ADAMTSL1: variants seen among roughly 807,000 people sequenced by gnomAD.
ADAMTSL1 encodes ADAMTS-like protein 1.
In ADAMTSL1, 126 loss-of-function variants were observed where a neutral mutation model predicts 201.8. The observed-to-expected ratio is 0.62, with a 90% CI of 0.54 to 0.72. ADAMTSL1 has a LOEUF of 0.72. Ranked by LOEUF, ADAMTSL1 falls within the 30% of genes least tolerant of loss-of-function variation. The pLI is 0.00. For missense variants in ADAMTSL1, 2,679 were observed against 2,277.8 expected, an observed-to-expected ratio of 1.18 and a Z score of -3.59; for synonymous variants, 1,121 against 903.4, an observed-to-expected ratio of 1.24 and a Z score of -4.32.
intron 3 of ADAMTSL1, among the ~76,000 whole-genome samples, chr9:18,553,335 A>G (rs902947559): frequency 1.3e-5 from 2 of 151,016 alleles, no homozygotes; most frequent in South Asian, 4.2e-4. Flanking sequence ...GTTAAATAGT[A>G]TTTATCCCCA....
At chr9:18,482,742 G>T (rs1821791993) in intron 1 of ADAMTSL1, among the ~76,000 whole-genome samples, 1 of 152,158 alleles carries the variant, frequency 6.6e-6, no homozygotes, top group Non-Finnish European at 1.5e-5. Context: ...TATGAGTATT[G>T]TTAGAATATT....
chr9:18,788,869 C>CA (rs1821861864), intron 19 of ADAMTSL1, among the ~76,000 whole-genome samples: 1 of 141,546 alleles, frequency 7.1e-6, no homozygotes, highest in Non-Finnish European at 1.5e-5. Flanking sequence ...AGAATTCTGG[C>CA]TTTTTTTTTT....
rs904265012 is a variant in ADAMTSL1, at chr9:18,776,893, C to T, written c.2664C>T (p.Tyr888=). 1 of 1,611,306 alleles carries T rather than the reference C, an allele frequency of 6.2e-7. No homozygotes were observed. Among genetic ancestry groups the T allele is most frequent in the East Asian group, 2.2e-5 (1 of 44,844 alleles). The change falls in exon 19 of 29, where the codon TAC becomes TAT. Residue 888 remains tyrosine (Y), a synonymous_variant. Coordinates refer to ENST00000380548, the MANE Select transcript of ADAMTSL1 (RefSeq NM_001040272.6). ...KLHFVVGGFA[Y]LLPKTAVVLR... Reference sequence around the variant, plus strand: ...ACTTCGTGGTGGGGGGCTTCGCCTACCTGCTCCCCAAGACGGCGGTGGTGC... The same window carrying T: ...ACTTCGTGGTGGGGGGCTTCGCCTATCTGCTCCCCAAGACGGCGGTGGTGC...
intron 1 of ADAMTSL1, among the ~76,000 whole-genome samples, chr9:17,995,864 T>C (rs1819353922): frequency 6.6e-6 from 1 of 151,750 alleles, no homozygotes; most frequent in Non-Finnish European, 1.5e-5. Flanking sequence ...CTCTGCTACC[T>C]CCTGGACTTT....
At chr9:18,740,062 G>T (rs1010294886) in intron 15 of ADAMTSL1, among the ~76,000 whole-genome samples, 5 of 152,148 alleles carry the variant, frequency 3.3e-5, no homozygotes, top group African/African-American at 1.2e-4. Context: ...TTCATCTTTT[G>T]CATTCCTCTG....
At chr9:17,909,942 T>A (rs1205269628) in intron 1 of ADAMTSL1, among the ~76,000 whole-genome samples, 1 of 64,932 alleles carries the variant, frequency 1.5e-5, no homozygotes, top group African/African-American at 3.1e-5. Context: ...GTAACTAACC[T>A]GCACATTGTG....
At chr9:18,701,660 G>T (rs1831929446) in intron 13 of ADAMTSL1, among the ~76,000 whole-genome samples, 1 of 152,124 alleles carries the variant, frequency 6.6e-6, no homozygotes, top group South Asian at 2.1e-4. Context: ...TTGGCTCATG[G>T]CTTGAAATGT....
intron 1 of ADAMTSL1, among the ~76,000 whole-genome samples, chr9:17,916,513 A>G (rs1207935402): frequency 6.6e-6 from 1 of 152,076 alleles, no homozygotes; most frequent in Non-Finnish European, 1.5e-5. Flanking sequence ...TAGGGATCAA[A>G]GTTCGTTTTT....
chr9:18,392,743 GA>G (rs1265723047), intron 2 of ADAMTSL1, among the ~76,000 whole-genome samples: 1 of 152,154 alleles, frequency 6.6e-6, no homozygotes, highest in Non-Finnish European at 1.5e-5. Flanking sequence ...GTAAACTTCA[GA>G]GGATACTCTA....
chr9:18,852,138 C>G (rs546747688), intron 23 of ADAMTSL1, among the ~76,000 whole-genome samples: 1 of 152,178 alleles, frequency 6.6e-6, no homozygotes, highest in African/African-American at 2.4e-5. Flanking sequence ...TTTACATGCA[C>G]CTTAGAGCTT....
chr9:18,533,387 A>G, intron 3 of ADAMTSL1, 95 bp downstream of exon 3: 4 of 995,362 alleles, frequency 4.0e-6, no homozygotes, highest in Non-Finnish European at 6.0e-6. Flanking sequence ...TCAACCAACT[A>G]GTATTTCACT....
chr9:18,746,702 A>C (rs1471167725), intron 15 of ADAMTSL1, among the ~76,000 whole-genome samples: 2 of 151,756 alleles, frequency 1.3e-5, no homozygotes, highest in Non-Finnish European at 2.9e-5. Context: ...GGCAACAGTC[A>C]TCACCCTCTC....
At chr9:18,906,498 C>T (rs1412154044) in intron 27 of ADAMTSL1, among the ~76,000 whole-genome samples, 194 bp from the exon 28 acceptor site, 1 of 152,156 alleles carries the variant, frequency 6.6e-6, no homozygotes, top group Admixed American at 6.5e-5. Context: ...GATGGAGGCC[C>T]AGTAAGAGGA....
intron 23 of ADAMTSL1, among the ~76,000 whole-genome samples, chr9:18,877,719 G>A (rs545879436): frequency 2.6e-5 from 4 of 152,134 alleles, no homozygotes; most frequent in Non-Finnish European, 4.4e-5. Context: ...CTCCAGCCAG[G>A]AGGTGGCACT....
chr9:18,731,077 TATG>T (rs1168597818), intron 15 of ADAMTSL1, among the ~76,000 whole-genome samples: 1 of 152,248 alleles, frequency 6.6e-6, no homozygotes, highest in Non-Finnish European at 1.5e-5. Context: ...TTTTACCAGA[TATG>T]ATTTTTCCCA....
chr9:18,739,570 C>A (rs1588021096), intron 15 of ADAMTSL1, among the ~76,000 whole-genome samples: 1 of 152,152 alleles, frequency 6.6e-6, no homozygotes, highest in African/African-American at 2.4e-5. Context: ...CCTTAACTCG[C>A]CCTGAGGTAA....
At chr9:18,442,783 A>G (rs915673465) in intron 2 of ADAMTSL1, among the ~76,000 whole-genome samples, 1 of 152,206 alleles carries the variant, frequency 6.6e-6, no homozygotes, top group African/African-American at 2.4e-5. Flanking sequence ...GCTGTCATGC[A>G]TAGACTGGGT....
At chr9:18,566,605 C>T (rs1011022744) in intron 3 of ADAMTSL1, among the ~76,000 whole-genome samples, 19 of 152,074 alleles carry the variant, frequency 1.2e-4, no homozygotes, top group Non-Finnish European at 2.6e-4. Context: ...AGAATCTGGG[C>T]AAAGAGAATT....
intron 4 of ADAMTSL1, among the ~76,000 whole-genome samples, chr9:18,615,441 G>T (rs1420683344): frequency 1.3e-5 from 2 of 152,196 alleles, no homozygotes; most frequent in Admixed American, 6.5e-5. Flanking sequence ...CTGTGCGTAA[G>T]TGTAGCTCTA....
Sources: gnomAD v4.1 joint callset for allele counts (sites outside exome capture counted in the v4.1 genomes callset) on GRCh38, gnomAD v4.1.1 for gene constraint, MANE v1.5 for transcripts, NCBI Gene and HGNC (gene_info 2026-07-23, HGNC 2026-07-21) for gene names.